Variants in NXPH2 observed in about 807,000 individuals in gnomAD.
NXPH2 encodes the protein neurexophilin-2.
In NXPH2, 5 loss-of-function variants were observed where a neutral mutation model predicts 19.8. That is an observed-to-expected ratio of 0.25 (90% CI 0.13 to 0.53). The LOEUF (loss-of-function observed/expected upper bound fraction) is 0.53, where lower values mean the gene tolerates loss of function less well. Ranked by LOEUF, NXPH2 falls within the 20% of genes least tolerant of loss-of-function variation. The pLI is 0.96. For missense variants in NXPH2, 289 were observed against 322.8 expected, an observed-to-expected ratio of 0.90 and a Z score of 0.80; for synonymous variants, 154 against 127.4, an observed-to-expected ratio of 1.21 and a Z score of -1.41.
Position 138,671,216 on chromosome 2 carries a change from C to T in NXPH2, c.501G>A (p.Val167=). The change falls in exon 2 of 2, where the codon GTG becomes GTA. Residue 167 remains valine (V), a synonymous_variant. Coordinates refer to ENST00000272641, the MANE Select transcript of NXPH2 (RefSeq NM_007226.3). The part of the protein sequence containing the change: ...SVSLVPPSKV[V]EFEVSPQSTL... ...TAGACTGGGGGGAAACTTCAAATTCCACCACCTTGGAGGGTGGTACCAAGC... is the reference window on the plus strand; with the variant it reads ...TAGACTGGGGGGAAACTTCAAATTCTACCACCTTGGAGGGTGGTACCAAGC... The T allele has an allele frequency of 1.2e-6, 2 of 1,613,806 alleles. No individual in the cohort carries two copies. Among genetic ancestry groups the T allele is most frequent in the Non-Finnish European group, 1.7e-6 (2 of 1,179,796 alleles).
intron 1 of NXPH2, among the ~76,000 whole-genome samples, chr2:138,729,915 T>C (rs76155438): frequency 0.021 from 3,172 of 152,278 alleles, 49 homozygotes; most frequent in Non-Finnish European, 0.033. Context: ...CTGTAACAAA[T>C]ACCACAGACT....
intron 1 of NXPH2, among the ~76,000 whole-genome samples, chr2:138,741,207 G>T (rs1681636965): frequency 6.6e-6 from 1 of 152,094 alleles, no homozygotes; most frequent in Non-Finnish European, 1.5e-5. Context: ...CTTTGTTGAG[G>T]ATGGGACCAG....
chr2:138,753,625 T>C (rs916067745), intron 1 of NXPH2, among the ~76,000 whole-genome samples: 11 of 152,290 alleles, frequency 7.2e-5, no homozygotes, highest in African/African-American at 2.6e-4. Flanking sequence ...TATTTTTATG[T>C]GCAACCATGT....
At chr2:138,675,225 C>G (rs1263391953) in intron 1 of NXPH2, among the ~76,000 whole-genome samples, 2 of 152,128 alleles carry the variant, frequency 1.3e-5, no homozygotes, top group African/African-American at 4.8e-5. Flanking sequence ...GCAATATGCC[C>G]TCTTTTTCTT....
chr2:138,692,624 G>A (rs1049221911), intron 1 of NXPH2, among the ~76,000 whole-genome samples: 6 of 152,122 alleles, frequency 3.9e-5, no homozygotes, highest in Admixed American at 2.0e-4. Flanking sequence ...ATAATTGTTA[G>A]TTTTAATTTA....
At chr2:138,748,356 T>C (rs1246686332) in intron 1 of NXPH2, among the ~76,000 whole-genome samples, 2 of 152,196 alleles carry the variant, frequency 1.3e-5, no homozygotes, top group Non-Finnish European at 2.9e-5. Context: ...CTCGATATCA[T>C]CATTTGTATC....
chr2:138,707,786 C>T (rs527510948), intron 1 of NXPH2, among the ~76,000 whole-genome samples: 16 of 152,192 alleles, frequency 1.1e-4, no homozygotes, highest in African/African-American at 3.9e-4. Flanking sequence ...AAAATTATCC[C>T]TTGTAACTTT....
At chr2:138,776,049 CA>C (rs1558934947) in intron 1 of NXPH2, among the ~76,000 whole-genome samples, 1 of 152,060 alleles carries the variant, frequency 6.6e-6, no homozygotes, top group African/African-American at 2.4e-5. Flanking sequence ...AGAGCTTTTA[CA>C]AAATCACAAA....
At chr2:138,743,258 T>TA (rs35691728) in intron 1 of NXPH2, among the ~76,000 whole-genome samples, 52,812 of 151,278 alleles carry the variant, frequency 0.35, 11,116 homozygotes, top group Non-Finnish European at 0.49. Flanking sequence ...TCCACCTTAG[T>TA]AAAAAAAAAG....
intron 1 of NXPH2, among the ~76,000 whole-genome samples, chr2:138,712,498 C>T (rs78233587): frequency 1.8e-4 from 28 of 152,198 alleles, no homozygotes; most frequent in Admixed American, 1.8e-3. Flanking sequence ...ACAATCATCA[C>T]AACATTGCCC....
At position 138,670,484 on chromosome 2, in the gene NXPH2, A is replaced by C. The variant is rs554841276; in HGVS notation, c.*438T>G. On this transcript the variant is annotated 3_prime_UTR_variant, in exon 2 of 2. Coordinates refer to ENST00000272641, the MANE Select transcript of NXPH2 (RefSeq NM_007226.3). ...AAAAGGGTCCAATGTCAAAAACACA[A>C]TTCATCTATCAAATACAATCTTTTC... Among the ~76,000 whole-genome samples, 1 of 152,228 alleles carries C rather than the reference A, an allele frequency of 6.6e-6. No individual in the cohort carries two copies.
chr2:138,745,587 A>G (rs1681715504), intron 1 of NXPH2, among the ~76,000 whole-genome samples: 1 of 152,140 alleles, frequency 6.6e-6, no homozygotes, highest in Non-Finnish European at 1.5e-5. Context: ...TAACAGAAAA[A>G]TAGAGAAACA....
chr2:138,777,282 A>T (rs1682277525), intron 1 of NXPH2, among the ~76,000 whole-genome samples: 1 of 152,264 alleles, frequency 6.6e-6, no homozygotes, highest in Admixed American at 6.5e-5. Context: ...GAAAAGATAT[A>T]ACATGCTCTT....
At chr2:138,735,157 G>C (rs1466644449) in intron 1 of NXPH2, among the ~76,000 whole-genome samples, 1 of 152,114 alleles carries the variant, frequency 6.6e-6, no homozygotes, top group Non-Finnish European at 1.5e-5. Context: ...TGAGTTATGA[G>C]GTAATCAGCC....
intron 1 of NXPH2, among the ~76,000 whole-genome samples, chr2:138,732,040 A>G (rs1681461095): frequency 6.6e-6 from 1 of 152,210 alleles, no homozygotes; most frequent in Non-Finnish European, 1.5e-5. Context: ...GATTAAGAGG[A>G]AACAGAAATA....
At chr2:138,722,545 G>A (rs1681297978) in intron 1 of NXPH2, among the ~76,000 whole-genome samples, 1 of 152,182 alleles carries the variant, frequency 6.6e-6, no homozygotes, top group African/African-American at 2.4e-5. Context: ...CCATCTAACT[G>A]GCTTGAAGAT....
chr2:138,688,647 G>A lies in NXPH2; in HGVS notation c.52-16982C>T, dbSNP rs904208193. Among the ~76,000 whole-genome samples the A allele has an allele frequency of 2.0e-5, 3 of 152,138 alleles. No individual in the cohort carries two copies. In the East Asian group the frequency reaches 5.8e-4, roughly 29 times the overall value. ...TAATGCATTATATATGAGTTCAGATGTGTAACAACTATTATTGAAAGCTTC... is the reference window on the plus strand; with the variant it reads ...TAATGCATTATATATGAGTTCAGATATGTAACAACTATTATTGAAAGCTTC... On this transcript the variant is annotated intron_variant, in intron 1 of 1. Coordinates refer to ENST00000272641, the MANE Select transcript of NXPH2 (RefSeq NM_007226.3).
At chr2:138,719,678 G>C (rs948790386) in intron 1 of NXPH2, among the ~76,000 whole-genome samples, 8 of 152,118 alleles carry the variant, frequency 5.3e-5, no homozygotes, top group African/African-American at 1.9e-4. Context: ...GACTAGTCTG[G>C]AGACTGGGTA....
chr2:138,709,380 A>G lies in NXPH2; in HGVS notation c.52-37715T>C, dbSNP rs1681062940. On this transcript the variant is annotated intron_variant, in intron 1 of 1. Coordinates refer to ENST00000272641, the MANE Select transcript of NXPH2 (RefSeq NM_007226.3). The stretch of plus-strand genomic sequence containing the variant: ...CCATTATTAACAGACTTTATTTTTT[A>G]GAGCAGTTTTGAGTTCACAGCAAAA... Among the ~76,000 whole-genome samples the G allele has an allele frequency of 3.9e-5, 6 of 152,304 alleles. No homozygotes were observed. In the South Asian group the frequency reaches 1.2e-3, roughly 32 times the overall value.
Sources: allele counts gnomAD v4.1 joint callset (sites outside exome capture counted in the v4.1 genomes callset), GRCh38; gene constraint gnomAD v4.1.1; transcripts MANE v1.5; gene names NCBI Gene and HGNC (gene_info 2026-07-23, HGNC 2026-07-21).